Variants in SLC35D1 observed in about 807,000 individuals in gnomAD.
The protein encoded by SLC35D1 is solute carrier family 35 member D1.
A neutral mutation model predicts 46.7 loss-of-function variants in SLC35D1; 31 were observed. The ratio of observed to expected loss-of-function variants is 0.66; its 90% CI spans 0.50 to 0.90. The LOEUF is 0.90. Ranked by LOEUF, SLC35D1 falls within the 40% of genes least tolerant of loss-of-function variation. The pLI is 0.00. For missense variants in SLC35D1, 397 were observed against 426.2 expected (o/e 0.93, Z 0.60); for synonymous variants, 195 against 164.6 (o/e 1.18, Z -1.41).
chr1:67,048,882 G>A (rs1189028570), intron 6 of SLC35D1, among the ~76,000 whole-genome samples: 2 of 152,160 alleles, frequency 1.3e-5, no homozygotes, highest in African/African-American at 4.8e-5. Flanking sequence ...CATATCTTAT[G>A]TGAGGCCAAT....
At chr1:67,036,774 C>T (rs1271012647) in intron 8 of SLC35D1, among the ~76,000 whole-genome samples, 2 of 150,022 alleles carry the variant, frequency 1.3e-5, no homozygotes, top group Non-Finnish European at 3.0e-5. Context: ...AGAGTTTAGT[C>T]CATTTACATT....
chr1:66,990,731 AT>A, the SLC35D1 span, among the ~76,000 whole-genome samples: 7 of 152,252 alleles, frequency 4.6e-5, no homozygotes, highest in Admixed American at 3.9e-4. Flanking sequence ...AATGAAGGTC[AT>A]ATGCCAAAAG....
At chr1:67,052,399 A>C (rs1645319120) in intron 3 of SLC35D1, among the ~76,000 whole-genome samples, 1 of 152,202 alleles carries the variant, frequency 6.6e-6, no homozygotes, top group South Asian at 2.1e-4. Flanking sequence ...TCAGCAGAAA[A>C]AGTAAAGGCA....
At chr1:66,977,417 T>G in the SLC35D1 span, among the ~76,000 whole-genome samples, 1 of 152,218 alleles carries the variant, frequency 6.6e-6, no homozygotes, top group South Asian at 2.1e-4. Flanking sequence ...GCATACAGTT[T>G]TTTTATAGAG....
chr1:67,034,026 G>C (rs1668074522), intron 8 of SLC35D1, among the ~76,000 whole-genome samples: 1 of 152,066 alleles, frequency 6.6e-6, no homozygotes, highest in Non-Finnish European at 1.5e-5. Context: ...GTTCTATTCA[G>C]ACACATAGAT....
chr1:67,036,976 T>A (rs1380359561), intron 8 of SLC35D1, among the ~76,000 whole-genome samples: 1 of 152,086 alleles, frequency 6.6e-6, no homozygotes, highest in Admixed American at 6.6e-5. Flanking sequence ...GACATTACCA[T>A]GAGGCTTGCA....
chr1:67,023,845 A>C (rs754961870), intron 8 of SLC35D1, among the ~76,000 whole-genome samples: 36 of 152,034 alleles, frequency 2.4e-4, no homozygotes, highest in Admixed American at 3.9e-4. Context: ...ACGAGTTTTT[A>C]AAAATATATT....
At position 67,053,748 on chromosome 1, in the gene SLC35D1, GCCGCGCCGCCGCCGCCGC is replaced by G. The variant is rs1645338437; in HGVS notation, c.203+45_203+62del. 4.3e-6 allele frequency: 6 copies of G among 1,381,752 alleles called. 1 individual carries two copies. In the Admixed American group the frequency reaches 1.8e-4, roughly 41 times the overall value. 85.6% of individuals were successfully genotyped at this position (1,381,752 alleles called of 1,614,324 possible). ...GGCAGTCAAAGTCCAGGGAGCCGGC[GCCGCGCCGCCGCCGCCGC>G]CCGCTCCTCCTCCGCGGCCTGGGCC... is the stretch of plus-strand genomic sequence containing the variant. On this transcript the variant is annotated intron_variant, in intron 1 of 11. Coordinates refer to ENST00000235345, the MANE Select transcript of SLC35D1 (RefSeq NM_015139.3).
chr1:66,981,011 T>A, the SLC35D1 span, among the ~76,000 whole-genome samples: 5,980 of 152,278 alleles, frequency 0.039, 147 homozygotes, highest in Non-Finnish European at 0.054. Context: ...GGCTGACTTT[T>A]ATTCTAGTGG....
intron 10 of SLC35D1, among the ~76,000 whole-genome samples, chr1:67,010,486 A>G (rs999190402): frequency 6.6e-5 from 10 of 152,108 alleles, no homozygotes; most frequent in African/African-American, 2.4e-4. Flanking sequence ...CACTTCTGAC[A>G]CTCCCAGGTG....
chr1:67,024,302 G>GT (rs1331221893), intron 8 of SLC35D1, among the ~76,000 whole-genome samples: 2 of 152,148 alleles, frequency 1.3e-5, no homozygotes, highest in Non-Finnish European at 2.9e-5. Flanking sequence ...TAATGTTGAT[G>GT]TAGTCTAACA....
rs892697957 is a variant in SLC35D1 at position 67,000,318 on chromosome 1, G to A, written c.*4022C>T. ...TTTTTTTTTTTTAAAAAAAAGGAGG[G>A]GGAGTAGGGGGAAGAAAATAATTTT... On this transcript the variant is annotated 3_prime_UTR_variant, in exon 12 of 12. Transcript: ENST00000235345. 1 of 150,868 alleles carries A rather than the reference G, an allele frequency of 6.6e-6. No individual in the cohort carries two copies. The highest frequency in any genetic ancestry group is 2.4e-5 in the African/African-American group (1 of 41,116). 9.3% of individuals were successfully genotyped at this position (150,868 alleles called of 1,614,324 possible).
chr1:66,999,446 T>A lies in SLC35D1; in HGVS notation c.*4894A>T, dbSNP rs1667285831. On this transcript the variant is annotated 3_prime_UTR_variant, in exon 12 of 12. Transcript: ENST00000235345. ...TAGGCACATAATTTTCATGTTTATG[T>A]CACCTGATTTACATACCTCAATTCC... 6.6e-6 allele frequency: 1 copy of A among 152,314 alleles called. No homozygotes were observed. The highest frequency in any genetic ancestry group is 2.4e-5 in the African/African-American group (1 of 41,450). 9.4% of individuals were successfully genotyped at this position (152,314 alleles called of 1,614,324 possible). A position where few individuals can be genotyped will look rare whatever the true frequency, so the allele number is the denominator to read the frequency against.
the SLC35D1 span, chr1:66,986,227 A>G: frequency 4.7e-6 from 6 of 1,286,336 alleles, no homozygotes; most frequent in Non-Finnish European, 4.9e-6. Flanking sequence ...AAGATACACA[A>G]TAATCATTGC....
rs886815094 is a variant in SLC35D1, at chr1:67,000,959, C to A, written c.*3381G>T. 2 of 152,368 alleles carry A rather than the reference C, an allele frequency of 1.3e-5. No individual in the cohort carries two copies. Among genetic ancestry groups the A allele is most frequent in the African/African-American group, 4.8e-5 (2 of 41,454 alleles). The allele number at this position is 152,368 out of a possible 1,614,324, so 9.4% of individuals were successfully genotyped here. A position where few individuals can be genotyped will look rare whatever the true frequency, so the allele number is the denominator to read the frequency against. ...GTGATACTCATAACCATGCAGGCAG[C>A]TCTTGGTTACAAAATCACGGACTCC... On this transcript the variant is annotated 3_prime_UTR_variant, in exon 12 of 12. Coordinates refer to ENST00000235345, the MANE Select transcript of SLC35D1 (RefSeq NM_015139.3).
intron 11 of SLC35D1, chr1:67,008,532 G>T (rs1280587529): frequency 1.8e-6 from 2 of 1,088,598 alleles, no homozygotes; most frequent in African/African-American, 1.6e-5. Flanking sequence ...AATGGAACGT[G>T]CCGAACTGCT....
intron 3 of SLC35D1, 37 bp downstream of exon 3, chr1:67,052,734 C>CATTTATT (rs1645322898): frequency 6.3e-7 from 1 of 1,598,768 alleles, no homozygotes; most frequent in African/African-American, 1.3e-5. Flanking sequence ...ATACTGACTT[C>CATTTATT]ATTTCACAAA....
At chr1:67,018,828 T>A (rs892252151) in intron 10 of SLC35D1, among the ~76,000 whole-genome samples, 1 of 152,186 alleles carries the variant, frequency 6.6e-6, no homozygotes, top group Non-Finnish European at 1.5e-5. Context: ...CTGCACTGTA[T>A]CCTGTGAGAC....
the SLC35D1 span, among the ~76,000 whole-genome samples, chr1:66,993,110 A>C: frequency 6.6e-6 from 1 of 152,186 alleles, no homozygotes; most frequent in Non-Finnish European, 1.5e-5. Context: ...TCTTTCTCCT[A>C]GCTTTTTCCC....
Sources: allele counts gnomAD v4.1 joint callset (sites outside exome capture counted in the v4.1 genomes callset), GRCh38; gene constraint gnomAD v4.1.1; transcripts MANE v1.5; gene names NCBI Gene and HGNC (gene_info 2026-07-23, HGNC 2026-07-21).